Variants in RBFOX1 observed in about 807,000 individuals in gnomAD.
RBFOX1 encodes RNA binding fox-1 homolog 1.
In RBFOX1, 8 loss-of-function variants were observed where a neutral mutation model predicts 57.7. The observed-to-expected ratio is 0.14, with a 90% CI of 0.08 to 0.25. RBFOX1 has a LOEUF of 0.25. Ranked by LOEUF, RBFOX1 falls within the 10% of genes least tolerant of loss-of-function variation. RBFOX1 has a pLI of 1.00. For synonymous variants in RBFOX1, 326 were observed against 222.4 expected (o/e 1.47, Z -4.15); for missense variants, 611 against 548.5 (o/e 1.11, Z -1.14).
At position 7,451,307 on chromosome 16, in the gene RBFOX1, C is replaced by T. The variant is rs906445119; in HGVS notation, c.28-66840C>T. 5.3e-5 allele frequency among the ~76,000 whole-genome samples: 8 copies of T among 152,244 alleles called. No individual in the cohort carries two copies. In the East Asian group the frequency reaches 5.8e-4, roughly 11 times the overall value. On this transcript the variant is annotated intron_variant, in intron 4 of 15. Coordinates refer to ENST00000550418, the MANE Select transcript of RBFOX1 (RefSeq NM_018723.4). ...CAAATTCTGCAAGGGATGTCTTGAA[C>T]GGATGGTTCTTTCTTGCATTGAATG...
At chr16:6,811,868 A>T (rs915236093) in intron 3 of RBFOX1, among the ~76,000 whole-genome samples, 2 of 152,180 alleles carry the variant, frequency 1.3e-5, no homozygotes, top group Non-Finnish European at 2.9e-5. Context: ...GAGCCTGGGC[A>T]ACACGAGTGA....
chr16:5,339,791 A>G (rs188554796), intron 1 of RBFOX1, among the ~76,000 whole-genome samples: 2 of 152,202 alleles, frequency 1.3e-5, no homozygotes, highest in African/African-American at 2.4e-5. Context: ...GCCTTCCAGC[A>G]TGGCAGACTG....
intron 4 of RBFOX1, among the ~76,000 whole-genome samples, chr16:7,076,161 C>T (rs1372252748): frequency 5.3e-5 from 8 of 151,754 alleles, no homozygotes; most frequent in African/African-American, 1.7e-4. Flanking sequence ...CCTGCCTCAG[C>T]CTCTCGAGTA....
intron 4 of RBFOX1, among the ~76,000 whole-genome samples, chr16:7,124,848 A>C (rs1245122579): frequency 6.6e-6 from 1 of 152,114 alleles, no homozygotes; most frequent in African/African-American, 2.4e-5. Context: ...ACTCTGATTC[A>C]TAAATTACTA....
chr16:6,478,429 A>AT lies in RBFOX1; in HGVS notation c.-64+161390dup, dbSNP rs58352204. 5.1e-3 allele frequency among the ~76,000 whole-genome samples: 126 copies of AT among 24,610 alleles called. 4 individuals carry two copies. The highest frequency in any genetic ancestry group is 7.8e-3 in the African/African-American group (61 of 7,842). 16.1% of individuals were successfully genotyped at this position (24,610 alleles called of 152,430 possible). ...TATATATATATATATATATATATAT[A>AT]TTTTTTTTTTTTTTTTTTGTATTTT... On this transcript the variant is annotated intron_variant, in intron 2 of 15. Transcript: ENST00000550418.
intron 3 of RBFOX1, among the ~76,000 whole-genome samples, chr16:6,783,228 C>T (rs1329742396): frequency 2.6e-5 from 4 of 151,468 alleles, no homozygotes; most frequent in Non-Finnish European, 5.9e-5. Flanking sequence ...AGTCCGTTTA[C>T]ACTCATTGTT....
chr16:5,447,686 G>A (rs1415946492), intron 1 of RBFOX1, among the ~76,000 whole-genome samples: 1 of 152,178 alleles, frequency 6.6e-6, no homozygotes, highest in Non-Finnish European at 1.5e-5. Context: ...ATGAGCCACC[G>A]TGCCCGGCTG....
At chr16:6,820,115 T>C (rs371501621) in intron 3 of RBFOX1, among the ~76,000 whole-genome samples, 2 of 152,316 alleles carry the variant, frequency 1.3e-5, no homozygotes, top group African/African-American at 2.4e-5. Context: ...TCATGAAATC[T>C]GATGGTTTTA....
chr16:5,528,692 C>A (rs1204113194), intron 2 of RBFOX1, among the ~76,000 whole-genome samples: 1 of 151,498 alleles, frequency 6.6e-6, no homozygotes, highest in African/African-American at 2.4e-5. Context: ...CTCTGTCGCC[C>A]AGGCTGGACT....
At chr16:6,244,090 ACTAAAT>A (rs2097555501) in intron 1 of RBFOX1, among the ~76,000 whole-genome samples, 1 of 152,066 alleles carries the variant, frequency 6.6e-6, no homozygotes, top group African/African-American at 2.4e-5. Context: ...TGCCATCTTT[ACTAAAT>A]TCCTTGGAGA....
chr16:6,113,855 C>G (rs891369059), intron 1 of RBFOX1, among the ~76,000 whole-genome samples: 2 of 152,158 alleles, frequency 1.3e-5, no homozygotes, highest in African/African-American at 2.4e-5. Context: ...ACTGCCAGGC[C>G]GTTCTCCTTT....
intron 1 of RBFOX1, among the ~76,000 whole-genome samples, chr16:5,375,274 T>A (rs985220632): frequency 2.0e-5 from 3 of 152,084 alleles, no homozygotes; most frequent in Non-Finnish European, 4.4e-5. Context: ...GAAGCTGTTT[T>A]CCAGGGATCC....
At chr16:5,765,390 G>GA (rs1169071509) in intron 3 of RBFOX1, among the ~76,000 whole-genome samples, 1 of 152,122 alleles carries the variant, frequency 6.6e-6, no homozygotes, top group African/African-American at 2.4e-5. Context: ...CTTTGGAGGG[G>GA]AAAAAATCCC....
chr16:5,792,224 T>C (rs1367603651), intron 3 of RBFOX1, among the ~76,000 whole-genome samples: 1 of 152,214 alleles, frequency 6.6e-6, no homozygotes, highest in East Asian at 1.9e-4. Flanking sequence ...ACTGAATGGC[T>C]TCTCTGTAAA....
At chr16:7,323,278 G>T (rs1268815811) in intron 4 of RBFOX1, among the ~76,000 whole-genome samples, 1 of 152,112 alleles carries the variant, frequency 6.6e-6, no homozygotes, top group African/African-American at 2.4e-5. Flanking sequence ...TTTAAAAATT[G>T]CCAGACGTGC....
At chr16:5,752,440 T>A (rs1387753824) in intron 3 of RBFOX1, among the ~76,000 whole-genome samples, 2 of 152,230 alleles carry the variant, frequency 1.3e-5, no homozygotes, top group African/African-American at 2.4e-5. Context: ...TGAGACATTT[T>A]GCTCCAAACA....
At chr16:5,351,730 G>T (rs1404099400) in intron 1 of RBFOX1, among the ~76,000 whole-genome samples, 2 of 152,196 alleles carry the variant, frequency 1.3e-5, no homozygotes, top group African/African-American at 4.8e-5. Context: ...CTTAGCCCGA[G>T]AACTCCTTGT....
chr16:5,304,668 A>G (rs894428884), intron 1 of RBFOX1, among the ~76,000 whole-genome samples: 9 of 152,198 alleles, frequency 5.9e-5, no homozygotes, highest in South Asian at 2.1e-4. Context: ...GGCTCTGTTC[A>G]TAGAGCTCAT....
At chr16:5,492,881 G>C (rs2042880222) in intron 2 of RBFOX1, among the ~76,000 whole-genome samples, 1 of 152,198 alleles carries the variant, frequency 6.6e-6, no homozygotes, top group Non-Finnish European at 1.5e-5. Flanking sequence ...CTATGGGAGA[G>C]GAAATCTGAC....
Sources: allele counts gnomAD v4.1 joint callset (sites outside exome capture counted in the v4.1 genomes callset), GRCh38; gene constraint gnomAD v4.1.1; transcripts MANE v1.5; gene names NCBI Gene and HGNC (gene_info 2026-07-23, HGNC 2026-07-21).